CPT1A: variants seen among roughly 807,000 people sequenced by gnomAD.
CPT1A encodes the protein carnitine palmitoyltransferase 1A.
CPT1A carries 64 observed loss-of-function variants against 100.8 expected under a neutral mutation model. That is an observed-to-expected ratio of 0.63 (90% confidence interval 0.52 to 0.78). The LOEUF (loss-of-function observed/expected upper bound fraction) is 0.78. CPT1A is among the 30% of genes least tolerant of loss of function. The pLI is 0.00. For missense variants in CPT1A, 802 were observed against 1,034.1 expected, an observed-to-expected ratio of 0.78 and a Z score of 3.08; for synonymous variants, 363 against 396.0, an observed-to-expected ratio of 0.92 and a Z score of 0.99.
At chr11:68,763,845 A>C (rs1333743082) in intron 14 of CPT1A, among the ~76,000 whole-genome samples, 1 of 152,174 alleles carries the variant, frequency 6.6e-6, no homozygotes, top group Non-Finnish European at 1.5e-5. Flanking sequence ...CCTTGGGAAC[A>C]GAATCACAGC....
At chr11:68,830,896 C>T (rs1856858955) in intron 1 of CPT1A, among the ~76,000 whole-genome samples, 1 of 152,228 alleles carries the variant, frequency 6.6e-6, no homozygotes, top group South Asian at 2.1e-4. Flanking sequence ...TGTGTCCAGT[C>T]TTCCAAATAC....
upstream of CPT1A, chr11:68,842,050 C>G: frequency 1.2e-6 from 1 of 820,382 alleles, no homozygotes; most frequent in Non-Finnish European, 1.5e-6. Context: ...AGCGGGTGCT[C>G]GCGTCCTCGA....
chr11:68,812,648 TGG>T, intron 2 of CPT1A, 72 bp from the exon 3 acceptor site: 2 of 1,575,572 alleles, frequency 1.3e-6, no homozygotes, highest in Non-Finnish European at 1.7e-6. Context: ...TCATGGCCCC[TGG>T]CAGCAGGGCT....
intron 12 of CPT1A, among the ~76,000 whole-genome samples, chr11:68,778,111 T>A (rs375548199): frequency 7.2e-5 from 11 of 152,168 alleles, no homozygotes; most frequent in African/African-American, 2.4e-4. Flanking sequence ...TTATCCTTTT[T>A]CCTACATAGA....
At position 68,812,348 on chromosome 11, in the gene CPT1A, A is replaced by G. The variant is rs1856236764; in HGVS notation, c.281+89T>C. 5 of 1,529,208 alleles carry G rather than the reference A, an allele frequency of 3.3e-6. No individual in the cohort carries two copies. In the African/African-American group the frequency reaches 4.1e-5, roughly 13 times the overall value. The allele number at this position is 1,529,208 out of a possible 1,614,324, so 94.7% of individuals were successfully genotyped here. A position where few individuals can be genotyped will look rare whatever the true frequency, so the allele number is the denominator to read the frequency against. On this transcript the variant is annotated intron_variant, in intron 3 of 18. Transcript: ENST00000265641. ...AGGAGCTTCATATGGAATCCAGAACAGTGACAATCATCACATTTGAAGAGA... is the reference window on the plus strand; with the variant it reads ...AGGAGCTTCATATGGAATCCAGAACGGTGACAATCATCACATTTGAAGAGA...
At chr11:68,789,067 T>C (rs1442262651) in intron 9 of CPT1A, among the ~76,000 whole-genome samples, 1 of 152,248 alleles carries the variant, frequency 6.6e-6, no homozygotes, top group Non-Finnish European at 1.5e-5. Flanking sequence ...ATTGTTTTGA[T>C]ACTATAACGA....
At position 68,807,701 on chromosome 11, in the gene CPT1A, C is replaced by T. The variant is rs549037509; in HGVS notation, c.282-63G>A. ...AGGCCACACGGTGCCACCAACACCA[C>T]CGGTGACGCCACAGACACCACGTGC... On this transcript the variant is annotated intron_variant, in intron 3 of 18. Coordinates refer to ENST00000265641, the MANE Select transcript of CPT1A (RefSeq NM_001876.4). 7.2e-5 allele frequency: 110 copies of T among 1,533,160 alleles called. 1 individual carries two copies. The South Asian group carries it at 8.6e-4, about 12-fold the overall frequency. The allele number at this position is 1,533,160 out of a possible 1,614,324, so 95.0% of individuals were successfully genotyped here. A position where few individuals can be genotyped will look rare whatever the true frequency, so the allele number is the denominator to read the frequency against.
intron 2 of CPT1A, among the ~76,000 whole-genome samples, chr11:68,814,081 CA>C (rs1365268272): frequency 1.3e-5 from 2 of 151,820 alleles, no homozygotes; most frequent in African/African-American, 4.8e-5. Context: ...CTGGGGCTGG[CA>C]GGGGGGTCAG....
intron 9 of CPT1A, among the ~76,000 whole-genome samples, chr11:68,789,804 G>A (rs1855565986): frequency 6.6e-6 from 1 of 152,084 alleles, no homozygotes; most frequent in South Asian, 2.1e-4. Flanking sequence ...TTTCCAATTA[G>A]GATCTTCATG....
At chr11:68,798,843 C>T (rs1855825186) in intron 6 of CPT1A, among the ~76,000 whole-genome samples, 1 of 152,192 alleles carries the variant, frequency 6.6e-6, no homozygotes, top group Non-Finnish European at 1.5e-5. Flanking sequence ...CAGCATCGTG[C>T]TGGTGTACCT....
At chr11:68,823,644 C>T (rs1305971683) in intron 1 of CPT1A, among the ~76,000 whole-genome samples, 1 of 151,814 alleles carries the variant, frequency 6.6e-6, no homozygotes, top group Non-Finnish European at 1.5e-5. Context: ...ACAAAATTAG[C>T]CGGGCATGGT....
At chr11:68,838,578 A>AAAAAAAAAAAAAAAAAC (rs1555235318) in intron 1 of CPT1A, among the ~76,000 whole-genome samples, 1 of 144,292 alleles carries the variant, frequency 6.9e-6, no homozygotes, top group African/African-American at 2.6e-5. Flanking sequence ...TTTTTAAAAA[A>AAAAAAAAAAAAAAAAAC]AAAAAAAAAA....
intron 1 of CPT1A, among the ~76,000 whole-genome samples, chr11:68,821,730 T>C (rs1271435391): frequency 6.6e-6 from 1 of 152,194 alleles, no homozygotes; most frequent in Non-Finnish European, 1.5e-5. Context: ...TCCCCAAATG[T>C]TTTCAATCCT....
rs749829187 is a variant in CPT1A, at chr11:68,815,319, C to A, written c.141+15G>T. 2 of 1,611,586 alleles carry A rather than the reference C, an allele frequency of 1.2e-6. No homozygotes were observed. Among genetic ancestry groups the A allele is most frequent in the South Asian group, 2.2e-5 (2 of 90,904 alleles). ...AAAAGGCATACTGTGTAGATTTCAA[C>A]AAATCTCAGAAAACCTTGAATCTGA... On this transcript the variant is annotated intron_variant, in intron 2 of 18. Coordinates refer to ENST00000265641, the MANE Select transcript of CPT1A (RefSeq NM_001876.4).
At chr11:68,829,471 C>A (rs977248036) in intron 1 of CPT1A, among the ~76,000 whole-genome samples, 1 of 152,180 alleles carries the variant, frequency 6.6e-6, no homozygotes, top group Non-Finnish European at 1.5e-5. Context: ...CACAGCAGGG[C>A]GTGCACCTGT....
intron 4 of CPT1A, among the ~76,000 whole-genome samples, chr11:68,807,217 A>G (rs1454067224): frequency 1.3e-5 from 2 of 152,078 alleles, no homozygotes; most frequent in Non-Finnish European, 2.9e-5. Context: ...AATGACCTGA[A>G]CTACAAACCG....
chr11:68,839,528 G>A, intron 1 of CPT1A: 2 of 985,472 alleles, frequency 2.0e-6, no homozygotes, highest in Non-Finnish European at 1.2e-6. Flanking sequence ...CCACCCCAGC[G>A]ACAGCGGGAG....
chr11:68,824,941 G>A (rs1016352933), intron 1 of CPT1A, among the ~76,000 whole-genome samples: 3 of 152,080 alleles, frequency 2.0e-5, no homozygotes, highest in Admixed American at 1.3e-4. Flanking sequence ...TGAGACTACA[G>A]ACACCCGACA....
At position 68,807,734 on chromosome 11, in the gene CPT1A, T is replaced by C. The variant is rs6591356; in HGVS notation, c.282-96A>G. On this transcript the variant is annotated intron_variant, in intron 3 of 18. Coordinates refer to ENST00000265641, the MANE Select transcript of CPT1A (RefSeq NM_001876.4). ...GCCACAGACACCACGTGCTGCAGGG[T>C]CCAGCAGCCTGCCCCAGGTACAGCC... 0.012 allele frequency: 14,932 copies of C among 1,204,212 alleles called. 1,106 individuals carry two copies. In the African/African-American group the frequency reaches 0.17, roughly 14 times the overall value. 74.6% of individuals were successfully genotyped at this position (1,204,212 alleles called of 1,614,324 possible). A position where few individuals can be genotyped will look rare whatever the true frequency, so the allele number is the denominator to read the frequency against.
Sources: gnomAD v4.1 joint callset for allele counts (sites outside exome capture counted in the v4.1 genomes callset) on GRCh38, gnomAD v4.1.1 for gene constraint, MANE v1.5 for transcripts, NCBI Gene and HGNC (gene_info 2026-07-23, HGNC 2026-07-21) for gene names.